Variants in STIM1 observed in about 807,000 individuals in gnomAD.
STIM1 encodes stromal interaction molecule 1.
In STIM1, 25 loss-of-function variants were observed where a neutral mutation model predicts 74.7. The observed-to-expected ratio is 0.33, with a 90% CI of 0.24 to 0.47. The LOEUF (loss-of-function observed/expected upper bound fraction) is 0.47. Among genes scored for constraint, STIM1 ranks in the 20% least tolerant of loss-of-function variants. STIM1 has a pLI of 1.00. For synonymous variants in STIM1, 328 were observed against 348.8 expected (o/e 0.94, Z 0.66); for missense variants, 728 against 920.8 (o/e 0.79, Z 2.71).
At chr11:4,070,358 C>T (rs757612730) in intron 6 of STIM1, among the ~76,000 whole-genome samples, 155 bp downstream of exon 6, 1 of 152,210 alleles carries the variant, frequency 6.6e-6, no homozygotes, top group African/African-American at 2.4e-5. Context: ...GTTTAGGTTG[C>T]TGATATTCCA....
rs750124776 is a variant in STIM1 at position 4,083,513 on chromosome 11, T to TG, written c.1474+16dup. ...GTCCATGCAGTGTAGGTGACCTCTT[T>TG]GCGGGGATGAAGGAAGGAGCCTTTG... On this transcript the variant is annotated intron_variant, in intron 10 of 12. Transcript: ENST00000526596. 4.9e-5 allele frequency: 79 copies of TG among 1,607,606 alleles called. No homozygotes were observed. Among genetic ancestry groups the TG allele is most frequent in the Non-Finnish European group, 5.7e-5 (67 of 1,176,630 alleles).
At chr11:3,947,608 G>A (rs2093094409) in intron 1 of STIM1, 1 of 152,188 alleles carries the variant, frequency 6.6e-6, no homozygotes, top group African/African-American at 2.4e-5. Context: ...GACAAAATAA[G>A]AGGAAGAAAG....
intron 2 of STIM1, among the ~76,000 whole-genome samples, chr11:4,023,379 A>G (rs976866725): frequency 1.3e-5 from 2 of 152,090 alleles, no homozygotes; most frequent in African/African-American, 4.8e-5. Flanking sequence ...CAGTAAATTA[A>G]CCTGTCTAAA....
At chr11:3,868,316 G>T (rs947117869) in intron 1 of STIM1, 1 of 152,226 alleles carries the variant, frequency 6.6e-6, no homozygotes, top group Non-Finnish European at 1.5e-5. Flanking sequence ...GAGCACCTTT[G>T]TAGGTGTTTT....
chr11:3,974,193 T>C (rs1011905517), intron 2 of STIM1: 1 of 521,380 alleles, frequency 1.9e-6, no homozygotes, highest in Non-Finnish European at 3.5e-6. Context: ...GATGAAGAAC[T>C]TCTACAGCTG....
rs1186211213 is a variant in STIM1 at position 3,901,753 on chromosome 11, CCTT to C, written c.139+45349_139+45351del. On this transcript the variant is annotated intron_variant, in intron 1 of 12. Coordinates refer to ENST00000526596, the MANE Select transcript of STIM1 (RefSeq NM_001382567.1). ...ACTGAGCTTTTATTGTTTGCCTAAG[CCTT>C]CTTCATTTTTTTCTTTTGAGATAGC... is the stretch of plus-strand genomic sequence containing the variant. 2.6e-5 allele frequency among the ~76,000 whole-genome samples: 4 copies of C among 152,238 alleles called. No individual in the cohort carries two copies. In the South Asian group the frequency reaches 8.3e-4, roughly 32 times the overall value.
intron 3 of STIM1, among the ~76,000 whole-genome samples, chr11:4,040,533 A>G (rs1182253695): frequency 2.0e-5 from 3 of 152,182 alleles, no homozygotes; most frequent in Non-Finnish European, 2.9e-5. Flanking sequence ...ATCTCTTCAC[A>G]GCCCTTAGCA....
At chr11:4,028,194 G>A (rs1359715865) in intron 3 of STIM1, among the ~76,000 whole-genome samples, 1 of 151,856 alleles carries the variant, frequency 6.6e-6, no homozygotes, top group Non-Finnish European at 1.5e-5. Flanking sequence ...GGCTTCTTTT[G>A]CCTCAGCCTC....
At chr11:3,886,958 G>T (rs188052738) in intron 1 of STIM1, among the ~76,000 whole-genome samples, 49 of 150,660 alleles carry the variant, frequency 3.3e-4, no homozygotes, top group Non-Finnish European at 5.2e-4. Context: ...AGCCGAGATC[G>T]CACCACTGCA....
At chr11:3,947,515 G>A (rs1234609333) in intron 1 of STIM1, 3 of 152,102 alleles carry the variant, frequency 2.0e-5, no homozygotes, top group Non-Finnish European at 2.9e-5. Flanking sequence ...TACTGCTGAC[G>A]GGGGCCCTCT....
chr11:4,043,911 A>G (rs1354213808), intron 3 of STIM1, among the ~76,000 whole-genome samples: 3 of 152,086 alleles, frequency 2.0e-5, no homozygotes, highest in African/African-American at 7.2e-5. Context: ...GCTACTCGGG[A>G]GGCTGAGGCA....
At chr11:3,991,670 C>A (rs528785499) in intron 2 of STIM1, among the ~76,000 whole-genome samples, 90 of 151,802 alleles carry the variant, frequency 5.9e-4, no homozygotes, top group African/African-American at 2.0e-3. Flanking sequence ...CTGCTGTGGC[C>A]GGGCGCGGTG....
intron 1 of STIM1, among the ~76,000 whole-genome samples, chr11:3,951,320 T>A (rs1021220361): frequency 5.3e-5 from 8 of 152,200 alleles, no homozygotes; most frequent in Non-Finnish European, 1.2e-4. Flanking sequence ...CTGTTGGTTA[T>A]CTTCTCCCAA....
At chr11:3,888,623 C>T (rs1183147558) in intron 1 of STIM1, among the ~76,000 whole-genome samples, 2 of 152,050 alleles carry the variant, frequency 1.3e-5, no homozygotes, top group African/African-American at 4.8e-5. Context: ...CTGCAGCCTC[C>T]ACCTCCCAGA....
chr11:3,991,006 G>A (rs1007902507), intron 2 of STIM1, among the ~76,000 whole-genome samples: 1 of 151,962 alleles, frequency 6.6e-6, no homozygotes, highest in Admixed American at 6.6e-5. Context: ...TCACATCTTT[G>A]TGTTTGTGTG....
At chr11:4,040,320 C>T (rs1382844005) in intron 3 of STIM1, among the ~76,000 whole-genome samples, 1 of 152,216 alleles carries the variant, frequency 6.6e-6, no homozygotes, top group East Asian at 1.9e-4. Context: ...ACCACATCTC[C>T]TCTGGAAGTG....
intron 2 of STIM1, among the ~76,000 whole-genome samples, chr11:3,981,051 G>A (rs1235203049): frequency 1.3e-5 from 2 of 152,176 alleles, no homozygotes; most frequent in Non-Finnish European, 2.9e-5. Flanking sequence ...AGGCTGGAGT[G>A]CAGTGGTGTG....
At position 4,004,190 on chromosome 11, in the gene STIM1, C is replaced by T. The variant is rs2093752322; in HGVS notation, c.271-19683C>T. Among the ~76,000 whole-genome samples, 3 of 152,120 alleles carry T rather than the reference C, an allele frequency of 2.0e-5. No individual in the cohort carries two copies. In the South Asian group the frequency reaches 6.2e-4, roughly 31 times the overall value. On this transcript the variant is annotated intron_variant, in intron 2 of 12. Transcript: ENST00000526596. Reference sequence around the variant, plus strand: ...CCAAGGTAATTTATAGATTCAATGCCATCCCCATCAAACTACCAATGACTT... The same window carrying T: ...CCAAGGTAATTTATAGATTCAATGCTATCCCCATCAAACTACCAATGACTT...
chr11:4,091,647 T>C lies in STIM1; in HGVS notation c.2000T>C (p.Leu667Pro), dbSNP rs1175789204. Reference sequence around the variant, plus strand: ...TCTCCAGTTGGGGACAGCCGAGCCCTGCAAGCCAGCCGAAACACACGCATT... The same window carrying C: ...TCTCCAGTTGGGGACAGCCGAGCCCCGCAAGCCAGCCGAAACACACGCATT... ...TPSPVGDSRA[L>P]QASRNTRIPH... Residue 667 changes from leucine (L) to proline (P), a missense_variant, in exon 13 of 13, where the codon CTG becomes CCG. Transcript: ENST00000526596. 1.2e-6 allele frequency: 2 copies of C among 1,614,030 alleles called. No individual in the cohort carries two copies. The highest frequency in any genetic ancestry group is 3.3e-5 in the Admixed American group (2 of 60,006).
Sources: gnomAD v4.1 joint callset for allele counts (sites outside exome capture counted in the v4.1 genomes callset) on GRCh38, gnomAD v4.1.1 for gene constraint, MANE v1.5 for transcripts, NCBI Gene and HGNC (gene_info 2026-07-23, HGNC 2026-07-21) for gene names.